The following MYO5A variants were observed in gnomAD, a reference collection of about 807,000 sequenced individuals.
MYO5A encodes the protein myosin VA, also known as unconventional myosin-Va.
Under a neutral mutation model 249.7 loss-of-function variants are expected in MYO5A, and 98 were observed. The ratio of observed to expected loss-of-function variants is 0.39; its 90% CI spans 0.33 to 0.46. The LOEUF is 0.46. Among genes scored for constraint, MYO5A ranks in the 20% least tolerant of loss-of-function variants. MYO5A has a pLI of 0.98. For missense variants in MYO5A, 1,696 were observed against 2,308.8 expected, an observed-to-expected ratio of 0.73 and a Z score of 5.44; for synonymous variants, 778 against 810.6, an observed-to-expected ratio of 0.96 and a Z score of 0.68.
intron 34 of MYO5A, among the ~76,000 whole-genome samples, chr15:52,331,451 C>T (rs992484452): frequency 6.6e-6 from 1 of 152,122 alleles, no homozygotes; most frequent in Non-Finnish European, 1.5e-5. Flanking sequence ...CGCTAGTAAC[C>T]AGGTTTTTTA....
chr15:52,477,637 C>T (rs967706545), intron 1 of MYO5A, among the ~76,000 whole-genome samples: 1 of 152,158 alleles, frequency 6.6e-6, no homozygotes, highest in Non-Finnish European at 1.5e-5. Flanking sequence ...ACAGTCAGGA[C>T]CCTCAGCTGC....
intron 14 of MYO5A, 136 bp from the exon 15 acceptor site, chr15:52,384,458 GT>G: frequency 1.1e-6 from 1 of 892,854 alleles, no homozygotes; most frequent in African/African-American, 1.7e-5. Context: ...GTCAGTATCT[GT>G]GCTAAGAGCC....
chr15:52,407,293 TA>T lies in MYO5A; in HGVS notation c.944del (p.Leu315GlnfsTer21). 1 of 1,608,046 alleles carries T rather than the reference TA, an allele frequency of 6.2e-7. No individual in the cohort carries two copies. The highest frequency in any genetic ancestry group is 8.5e-7 in the Non-Finnish European group (1 of 1,174,502). On this transcript the variant is annotated frameshift_variant and splice_region_variant, in exon 8 of 42. Transcript: ENST00000399233. LOFTEE classifies it high-confidence loss of function. Reference protein sequence around the residue: ...MAHTRQACTLLGISESHQMGI... With the variant: ...MAHTRQACTLXGISESHQMGI... The stretch of plus-strand genomic sequence containing the variant: ...AGCTCAAGAATAAAGTGACATTACC[TA>T]GCAAAGTGCAGGCCTGCCTAGTATG...
At chr15:52,392,604 C>T (rs1595584507) in intron 11 of MYO5A, among the ~76,000 whole-genome samples, 1 of 152,234 alleles carries the variant, frequency 6.6e-6, no homozygotes, top group Admixed American at 6.5e-5. Context: ...ATGGAGTCTA[C>T]GACTCACTTT....
At position 52,392,081 on chromosome 15, in the gene MYO5A, A is replaced by G; in HGVS notation, c.1402-11T>C. 6.2e-7 allele frequency: 1 copy of G among 1,607,094 alleles called. No individual in the cohort carries two copies. The highest frequency in any genetic ancestry group is 8.5e-7 in the Non-Finnish European group (1 of 1,177,522). ...CAATTTGAAGACATGCTGAAATGAA[A>G]AAGAAAAAAAGCAGTCATTACTGGA... On this transcript the variant is annotated splice_polypyrimidine_tract_variant and intron_variant, in intron 11 of 41. Transcript: ENST00000399233.
intron 9 of MYO5A, among the ~76,000 whole-genome samples, chr15:52,401,183 G>A (rs1216677220): frequency 6.7e-6 from 1 of 150,328 alleles, no homozygotes; most frequent in African/African-American, 2.4e-5. Flanking sequence ...CACTTCTCAT[G>A]CCTCAGCCTC....
intron 23 of MYO5A, among the ~76,000 whole-genome samples, chr15:52,366,629 CAAAAAAA>C (rs60631867): frequency 1.3e-4 from 10 of 74,554 alleles, no homozygotes; most frequent in Admixed American, 3.3e-4. Flanking sequence ...ATTGATTTAG[CAAAAAAA>C]AAAAAAAAAA....
chr15:52,353,657 T>C lies in MYO5A; in HGVS notation c.3569A>G (p.Glu1190Gly). The C allele has an allele frequency of 1.2e-6, 2 of 1,613,346 alleles. No individual in the cohort carries two copies. The highest frequency in any genetic ancestry group is 8.5e-7 in the Non-Finnish European group (1 of 1,179,246). ...EEQVLRSKAKEEERPQIRGAE... is the reference protein window; with the variant it reads ...EEQVLRSKAKGEERPQIRGAE... Reference sequence around the variant, plus strand: ...ACCTCTAATTTGTGGTCTTTCTTCTTCCTAGGGAAAAGTTAAAGTTTTATA... The same window carrying C: ...ACCTCTAATTTGTGGTCTTTCTTCTCCCTAGGGAAAAGTTAAAGTTTTATA... The change falls in exon 27 of 42, where the codon GAA becomes GGA. Residue 1190 changes from glutamate (E) to glycine (G), a missense_variant and splice_region_variant. By Grantham distance (98) the Glu-to-Gly change is moderately conservative (BLOSUM62 -2). Coordinates refer to ENST00000399233, the MANE Select transcript of MYO5A (RefSeq NM_001382347.1).
In MYO5A at chr15:52,311,019, T is replaced by C. The variant is rs540641028; in HGVS notation, c.*2677A>G. 6.6e-6 allele frequency: 1 copy of C among 152,484 alleles called. No homozygotes were observed. The highest frequency in any genetic ancestry group is 2.1e-4 in the South Asian group (1 of 4,814). 9.4% of individuals were successfully genotyped at this position (152,484 alleles called of 1,614,324 possible). On this transcript the variant is annotated 3_prime_UTR_variant, in exon 42 of 42. Coordinates refer to ENST00000399233, the MANE Select transcript of MYO5A (RefSeq NM_001382347.1). ...TGGAGCCCTGGAATAGCAGAACCTT[T>C]GTGCCACCATCGCTGAACAGGAGAA...
At chr15:52,324,517 C>A (rs947971971) in intron 36 of MYO5A, among the ~76,000 whole-genome samples, 2 of 152,138 alleles carry the variant, frequency 1.3e-5, no homozygotes, top group Non-Finnish European at 2.9e-5. Context: ...AAAGGAAAAC[C>A]AGAATAGTTT....
rs775347983 is a variant in MYO5A, at chr15:52,370,367, T to C, written c.2868A>G (p.Ile956Met). Residue 956 changes from isoleucine to methionine, a missense_variant, in exon 22 of 42, where the codon ATA (isoleucine) becomes ATG (methionine). Transcript: ENST00000399233. Reference protein sequence around the residue: ...LVEKLTNLEGIYNSETEKLRS... With the variant: ...LVEKLTNLEGMYNSETEKLRS... ...GTAGTTTCTCAGTCTCAGAGTTGTA[T>C]ATTCCTTCCAGATTGGTTAGTTTCT... The C allele has an allele frequency of 3.7e-6, 6 of 1,614,034 alleles. No individual in the cohort carries two copies. The Admixed American group carries it at 5.0e-5, about 13-fold the overall frequency.
At chr15:52,323,245 T>C in intron 37 of MYO5A, 110 bp downstream of exon 37, 2 of 897,270 alleles carry the variant, frequency 2.2e-6, no homozygotes, top group Non-Finnish European at 3.6e-6. Context: ...AAGCCACCTC[T>C]GAATTTGGGT....
At chr15:52,522,250 T>A (rs904607422) in intron 1 of MYO5A, among the ~76,000 whole-genome samples, 1 of 152,184 alleles carries the variant, frequency 6.6e-6, no homozygotes, top group African/African-American at 2.4e-5. Flanking sequence ...ATGTTCTGCA[T>A]CTTGTTTGTG....
At chr15:52,523,757 G>A (rs945719889) in intron 1 of MYO5A, among the ~76,000 whole-genome samples, 10 of 152,166 alleles carry the variant, frequency 6.6e-5, no homozygotes, top group Non-Finnish European at 8.8e-5. Flanking sequence ...ACAGCAAGTC[G>A]TTAACAGGCC....
chr15:52,379,970 C>G (rs1274326502), intron 16 of MYO5A, 62 bp from the exon 17 acceptor site: 1 of 1,534,966 alleles, frequency 6.5e-7, no homozygotes, highest in Non-Finnish European at 9.0e-7. Flanking sequence ...ACAAATTACT[C>G]TCCTCAGTCA....
At chr15:52,428,341 G>T in intron 3 of MYO5A, 57 bp downstream of exon 3, 1 of 1,523,564 alleles carries the variant, frequency 6.6e-7, no homozygotes, top group Non-Finnish European at 9.1e-7. Flanking sequence ...TATTTCTATG[G>T]CTATGTCCAT....
chr15:52,489,456 C>T (rs1355140922), intron 1 of MYO5A, among the ~76,000 whole-genome samples: 1 of 151,334 alleles, frequency 6.6e-6, no homozygotes, highest in Non-Finnish European at 1.5e-5. Flanking sequence ...CCCAGCTACT[C>T]GGGAGGCGGA....
intron 1 of MYO5A, among the ~76,000 whole-genome samples, chr15:52,455,679 T>C (rs984247071): frequency 6.6e-6 from 1 of 151,788 alleles, no homozygotes; most frequent in South Asian, 2.1e-4. Context: ...ATAAATGTAA[T>C]ACATCACATT....
At chr15:52,368,434 C>T (rs1456812719) in intron 22 of MYO5A, among the ~76,000 whole-genome samples, 2 of 152,110 alleles carry the variant, frequency 1.3e-5, no homozygotes, top group African/African-American at 2.4e-5. Context: ...GGATAGCTCC[C>T]TTTTTATATA....
Sources: allele counts gnomAD v4.1 joint callset (sites outside exome capture counted in the v4.1 genomes callset), GRCh38; gene constraint gnomAD v4.1.1; transcripts MANE v1.5; gene names NCBI Gene and HGNC (gene_info 2026-07-23, HGNC 2026-07-21).